CFAP299: variants seen among roughly 807,000 people sequenced by gnomAD.
The protein encoded by CFAP299 is cilia and flagella associated protein 299, also known as cilia- and flagella-associated protein 299.
Under a neutral mutation model 27.0 loss-of-function variants are expected in CFAP299, and 21 were observed. That is an observed-to-expected ratio of 0.78 (90% CI 0.55 to 1.12). The LOEUF (loss-of-function observed/expected upper bound fraction) is 1.12, where lower values mean the gene tolerates loss of function less well. CFAP299 is among the 50% of genes most tolerant of loss of function. The pLI is 0.00. For missense variants in CFAP299, 310 were observed against 276.6 expected (o/e 1.12, Z -0.86); for synonymous variants, 104 against 98.1 (o/e 1.06, Z -0.36).
At chr4:80,855,315 G>C (rs545866587) in intron 3 of CFAP299, among the ~76,000 whole-genome samples, 4 of 151,908 alleles carry the variant, frequency 2.6e-5, no homozygotes, top group African/African-American at 9.6e-5. Context: ...AATTATTGTA[G>C]CTATTTTGTC....
intron 3 of CFAP299, among the ~76,000 whole-genome samples, chr4:80,842,662 CT>C (rs1350368625): frequency 6.6e-6 from 1 of 152,104 alleles, no homozygotes; most frequent in Non-Finnish European, 1.5e-5. Context: ...TGGAAAGACA[CT>C]TTTCAGCCAG....
At chr4:80,612,493 A>G (rs17004954) in intron 3 of CFAP299, among the ~76,000 whole-genome samples, 8,818 of 152,146 alleles carry the variant, frequency 0.058, 788 homozygotes, top group African/African-American at 0.18. Context: ...AACTATTAAC[A>G]TCATTTGCAG....
At chr4:80,618,010 C>T (rs969231799) in intron 3 of CFAP299, among the ~76,000 whole-genome samples, 1 of 151,994 alleles carries the variant, frequency 6.6e-6, no homozygotes, top group East Asian at 1.9e-4. Context: ...AGAAACTAAC[C>T]ATCAAAATTG....
intron 3 of CFAP299, among the ~76,000 whole-genome samples, chr4:80,838,300 C>T (rs1348574044): frequency 6.6e-6 from 1 of 152,038 alleles, no homozygotes; most frequent in Non-Finnish European, 1.5e-5. Context: ...GCTTTTGTTG[C>T]CATTGCTTTT....
intron 2 of CFAP299, among the ~76,000 whole-genome samples, chr4:80,438,606 C>G (rs1728204043): frequency 6.6e-6 from 1 of 152,194 alleles, no homozygotes; most frequent in Non-Finnish European, 1.5e-5. Context: ...TTTTGACTCT[C>G]TCCTGTTCTA....
Position 80,487,122 on chromosome 4 carries a change from C to G in CFAP299, c.243-95971C>G, listed in dbSNP as rs191945491. 2.0e-3 allele frequency among the ~76,000 whole-genome samples: 299 copies of G among 152,248 alleles called. 1 individual carries two copies. The highest frequency in any genetic ancestry group is 6.7e-3 in the African/African-American group (278 of 41,548). ...CAATGAAGTAAATTTGATTCAACTC[C>G]TTTAACCTTTCCGGAAACTAGCATA... On this transcript the variant is annotated intron_variant, in intron 2 of 5. Transcript: ENST00000358105.
At chr4:80,752,345 T>C (rs1724981108) in intron 3 of CFAP299, among the ~76,000 whole-genome samples, 1 of 150,752 alleles carries the variant, frequency 6.6e-6, no homozygotes, top group Non-Finnish European at 1.5e-5. Flanking sequence ...TAATCAGCCA[T>C]GGTGCATCCT....
chr4:80,805,266 C>G (rs1190968538), intron 3 of CFAP299, among the ~76,000 whole-genome samples: 2 of 151,902 alleles, frequency 1.3e-5, no homozygotes, highest in African/African-American at 4.8e-5. Flanking sequence ...GTCACTTCTA[C>G]AAATTTTCAC....
intron 3 of CFAP299, among the ~76,000 whole-genome samples, chr4:80,591,122 T>TTA (rs1560643020): frequency 4.0e-4 from 57 of 141,550 alleles, no homozygotes; most frequent in South Asian, 2.5e-3. Context: ...TTTTTTTTTT[T>TTA]TTTTTTTTTA....
chr4:80,652,086 A>G (rs1053205692), intron 3 of CFAP299, among the ~76,000 whole-genome samples: 11 of 152,242 alleles, frequency 7.2e-5, no homozygotes, highest in African/African-American at 2.4e-4. Flanking sequence ...TCACAACAAA[A>G]CTTTGATCTA....
chr4:80,573,047 A>G (rs1444748844), intron 2 of CFAP299, among the ~76,000 whole-genome samples: 3 of 152,018 alleles, frequency 2.0e-5, no homozygotes, highest in African/African-American at 7.2e-5. Context: ...GAACGTACAA[A>G]CTGTTCTCCA....
chr4:80,718,149 G>C (rs1421346251), intron 3 of CFAP299, among the ~76,000 whole-genome samples: 1 of 151,992 alleles, frequency 6.6e-6, no homozygotes, highest in Non-Finnish European at 1.5e-5. Flanking sequence ...TGAGTAGGCT[G>C]TACAGAAATT....
At chr4:80,924,532 GTGTGTGTATATATA>G (rs1736205320) in intron 4 of CFAP299, among the ~76,000 whole-genome samples, 1 of 142,238 alleles carries the variant, frequency 7.0e-6, no homozygotes. Context: ...GTGTGTGTGT[GTGTGTGTATATATA>G]TATATATATA....
chr4:80,501,202 G>T (rs1731725986), intron 2 of CFAP299, among the ~76,000 whole-genome samples: 1 of 151,788 alleles, frequency 6.6e-6, no homozygotes, highest in African/African-American at 2.4e-5. Flanking sequence ...TTGGTCCTTT[G>T]TCTTTATAAT....
chr4:80,400,209 ATAG>A (rs796393461), intron 2 of CFAP299, among the ~76,000 whole-genome samples: 105 of 152,298 alleles, frequency 6.9e-4, no homozygotes, highest in African/African-American at 2.5e-3. Flanking sequence ...ATATGATATA[ATAG>A]TAGTAGCATT....
At chr4:80,606,649 T>C (rs1737694011) in intron 3 of CFAP299, among the ~76,000 whole-genome samples, 1 of 152,154 alleles carries the variant, frequency 6.6e-6, no homozygotes, top group Admixed American at 6.5e-5. Context: ...TTAGAAATAA[T>C]GGTATTAGAC....
At position 80,415,430 on chromosome 4, in the gene CFAP299, A is replaced by G. The variant is rs557605241; in HGVS notation, c.242+52546A>G. On this transcript the variant is annotated intron_variant, in intron 2 of 5. Coordinates refer to ENST00000358105, the MANE Select transcript of CFAP299 (RefSeq NM_152770.3). The stretch of plus-strand genomic sequence containing the variant: ...TAGTCAAGTACTAATTTGTGTATCA[A>G]TCTATGGCAACATATTGAATCTGAA... Among the ~76,000 whole-genome samples, 234 of 152,350 alleles carry G rather than the reference A, an allele frequency of 1.5e-3. 1 individual carries two copies. Among genetic ancestry groups the G allele is most frequent in the African/African-American group, 5.3e-3 (221 of 41,590 alleles).
intron 2 of CFAP299, among the ~76,000 whole-genome samples, chr4:80,526,271 G>T (rs896287528): frequency 1.3e-5 from 2 of 152,088 alleles, no homozygotes; most frequent in Non-Finnish European, 2.9e-5. Context: ...TTGGAAAGTA[G>T]CTTGAAAAGC....
At chr4:80,692,668 A>G (rs1263780868) in intron 3 of CFAP299, among the ~76,000 whole-genome samples, 3 of 152,326 alleles carry the variant, frequency 2.0e-5, no homozygotes, top group South Asian at 4.1e-4. Context: ...ACCAAAAGCA[A>G]TGGCAACCAA....
Sources: allele counts gnomAD v4.1 joint callset (sites outside exome capture counted in the v4.1 genomes callset), GRCh38; gene constraint gnomAD v4.1.1; transcripts MANE v1.5; gene names NCBI Gene and HGNC (gene_info 2026-07-23, HGNC 2026-07-21).